The following IPO5 variants were observed in gnomAD, a reference collection of about 807,000 sequenced individuals.
The protein encoded by IPO5 is importin-5.
In IPO5, 18 loss-of-function variants were observed where a neutral mutation model predicts 143.3. The observed-to-expected ratio is 0.13, with a 90% CI of 0.09 to 0.19. The LOEUF is 0.19. Among genes scored for constraint, IPO5 ranks in the 10% least tolerant of loss-of-function variants. The probability of loss-of-function intolerance (pLI) is 1.00; values close to 1 mark genes in which losing one functional copy is unlikely to be tolerated. For missense variants in IPO5, 1,013 were observed against 1,336.9 expected (o/e 0.76, Z 3.78); for synonymous variants, 477 against 465.7 (o/e 1.02, Z -0.31).
intron 3 of IPO5, among the ~76,000 whole-genome samples, chr13:97,970,865 G>A (rs987988698): frequency 1.3e-5 from 2 of 152,156 alleles, no homozygotes; most frequent in Non-Finnish European, 2.9e-5. Flanking sequence ...CTAACAGGTA[G>A]ATGTCCAATC....
Position 98,008,122 on chromosome 13 carries a change from A to G in IPO5, c.1780A>G (p.Met594Val). The change falls in exon 18 of 29, where the codon ATG becomes GTG. Residue 594 changes from methionine (M) to valine (V), a missense_variant. Transcript: ENST00000651721. ...LLKTQTDFND[M>V]EDDDPQISYM... ...AAAGACCCAGACAGACTTCAATGAT[A>G]TGGAAGATGATGATCCTCAGGTAAG... is the stretch of plus-strand genomic sequence containing the variant. 6.2e-7 allele frequency: 1 copy of G among 1,606,932 alleles called. No homozygotes were observed. Among genetic ancestry groups the G allele is most frequent in the Non-Finnish European group, 8.5e-7 (1 of 1,173,482 alleles).
At chr13:97,975,490 G>C (rs1343099100) in intron 3 of IPO5, 1 of 152,256 alleles carries the variant, frequency 6.6e-6, no homozygotes, top group Admixed American at 6.5e-5. Context: ...GGCTTCCACT[G>C]ACACCCTTAG....
Position 97,989,169 on chromosome 13 carries a change from A to G in IPO5, c.467+5A>G, listed in dbSNP as rs3742155. 1,428 of 1,530,606 alleles carry G rather than the reference A, an allele frequency of 9.3e-4. 49 individuals are homozygous for G. In the East Asian group the frequency reaches 0.032, roughly 34 times the overall value. 94.8% of individuals were successfully genotyped at this position (1,530,606 alleles called of 1,614,324 possible). ...AGCTGCCCTTCACATTTTCTGGTAT[A>G]TACATTAATCTAGTTTTTTGAGACA... On this transcript the variant is annotated splice_donor_5th_base_variant and intron_variant, in intron 7 of 28. Coordinates refer to ENST00000651721, the MANE Select transcript of IPO5 (RefSeq NM_002271.6).
At chr13:98,006,437 C>G (rs1312910169) in intron 17 of IPO5, 89 bp downstream of exon 17, 2 of 770,512 alleles carry the variant, frequency 2.6e-6, no homozygotes, top group African/African-American at 4.4e-5. Context: ...TGCAGTGGCA[C>G]GATCTCGGCT....
intron 11 of IPO5, among the ~76,000 whole-genome samples, chr13:97,994,200 C>T (rs562596362): frequency 1.3e-5 from 2 of 152,158 alleles, no homozygotes; most frequent in East Asian, 1.9e-4. Context: ...CCCAGCTACT[C>T]GGGAGGCTGA....
chr13:97,967,427 C>G (rs1039598560), intron 2 of IPO5, among the ~76,000 whole-genome samples: 3 of 151,808 alleles, frequency 2.0e-5, no homozygotes, highest in African/African-American at 7.3e-5. Flanking sequence ...CTTCCTTTCT[C>G]TTTCTTTCTT....
chr13:98,016,012 C>T (rs894153939), intron 24 of IPO5, among the ~76,000 whole-genome samples: 7 of 152,172 alleles, frequency 4.6e-5, no homozygotes, highest in Admixed American at 4.6e-4. Flanking sequence ...AACAAAACAC[C>T]TTGAGGTTTA....
At chr13:97,971,178 C>T (rs1284793904) in intron 3 of IPO5, among the ~76,000 whole-genome samples, 1 of 152,140 alleles carries the variant, frequency 6.6e-6, no homozygotes, top group East Asian at 1.9e-4. Flanking sequence ...CACTGAATCT[C>T]AAATATAAAA....
intron 2 of IPO5, among the ~76,000 whole-genome samples, chr13:97,966,047 AGGAGAATCGCTTGAACCAG>A (rs920646898): frequency 6.6e-6 from 1 of 150,758 alleles, no homozygotes. Flanking sequence ...AGGCTGAGGC[AGGAGAATCGCTTGAACCAG>A]GGAGATGGAA....
Position 98,008,086 on chromosome 13 carries a change from C to A in IPO5, c.1744C>A (p.Gln582Lys). ...KFMQDASDVM[Q>K]LLLKTQTDFN... ...CATGCAGGATGCATCAGATGTGATGCAGCTTTTGTTAAAGACCCAGACAGA... is the reference window on the plus strand; with the variant it reads ...CATGCAGGATGCATCAGATGTGATGAAGCTTTTGTTAAAGACCCAGACAGA... The change falls in exon 18 of 29, where the codon CAG becomes AAG. Residue 582 changes from glutamine to lysine, a missense_variant. Transcript: ENST00000651721. 1 of 1,610,948 alleles carries A rather than the reference C, an allele frequency of 6.2e-7. No homozygotes were observed. The highest frequency in any genetic ancestry group is 8.5e-7 in the Non-Finnish European group (1 of 1,177,154).
chr13:97,968,588 C>T (rs986492611), intron 2 of IPO5, among the ~76,000 whole-genome samples: 1 of 152,162 alleles, frequency 6.6e-6, no homozygotes, highest in Non-Finnish European at 1.5e-5. Context: ...TTCTATCTTC[C>T]TGATTGAATT....
In IPO5 at chr13:97,998,988, C is replaced by G. The variant is rs564630049; in HGVS notation, c.1001+1370C>G. ...TGAAACCCCGTCTCTATTAAAAATA[C>G]AAAAATTAGCCGGGCCTGGTGGCAG... On this transcript the variant is annotated intron_variant, in intron 12 of 28. Coordinates refer to ENST00000651721, the MANE Select transcript of IPO5 (RefSeq NM_002271.6). Among the ~76,000 whole-genome samples, 5 of 152,144 alleles carry G rather than the reference C, an allele frequency of 3.3e-5. No homozygotes were observed. In the South Asian group the frequency reaches 1.0e-3, roughly 32 times the overall value.
At chr13:97,976,525 C>T (rs1260436316) in intron 3 of IPO5, 168 bp from the exon 4 acceptor site, 2 of 156,880 alleles carry the variant, frequency 1.3e-5, no homozygotes, top group African/African-American at 4.9e-5. Context: ...GAGGCCCCGC[C>T]CCGTCCTCCC....
In IPO5 at chr13:98,014,125, T is replaced by A; in HGVS notation, c.2236T>A (p.Trp746Arg). Residue 746 changes from tryptophan to arginine, a missense_variant, in exon 22 of 29, where the codon TGG becomes AGG. By Grantham distance (101) the Trp-to-Arg change is moderately radical. Transcript: ENST00000651721. ...TGGTCCTGAGTATCTCACACAGATGTGGCATTTTATGTGTGATGCTCTAAT... is the reference window on the plus strand; with the variant it reads ...TGGTCCTGAGTATCTCACACAGATGAGGCATTTTATGTGTGATGCTCTAAT... ...VRGPEYLTQM[W>R]HFMCDALIKA... The A allele has an allele frequency of 6.2e-7, 1 of 1,613,074 alleles. No homozygotes were observed. Among genetic ancestry groups the A allele is most frequent in the Non-Finnish European group, 8.5e-7 (1 of 1,179,006 alleles).
intron 17 of IPO5, among the ~76,000 whole-genome samples, chr13:98,007,146 C>G (rs907969324): frequency 1.3e-5 from 2 of 152,104 alleles, no homozygotes; most frequent in South Asian, 2.1e-4. Context: ...GCGCCCAGCC[C>G]GTCTTTTCAT....
chr13:98,005,128 C>G (rs1273250520), intron 16 of IPO5, among the ~76,000 whole-genome samples: 1 of 150,328 alleles, frequency 6.7e-6, no homozygotes, highest in African/African-American at 2.4e-5. Flanking sequence ...AACACCTGAC[C>G]TCAAGTCATC....
intron 16 of IPO5, 141 bp downstream of exon 16, chr13:98,003,178 T>G: frequency 2.9e-6 from 2 of 691,234 alleles, no homozygotes; most frequent in Non-Finnish European, 4.9e-6. Context: ...TATTCGGAGT[T>G]GTGGAATGAT....
intron 2 of IPO5, chr13:97,963,212 A>G (rs1885033938): frequency 6.6e-6 from 1 of 152,188 alleles, no homozygotes; most frequent in African/African-American, 2.4e-5. Context: ...CGGGGCTCCA[A>G]CAGCCTAGCC....
At chr13:97,983,560 C>T (rs1424933312) in intron 5 of IPO5, among the ~76,000 whole-genome samples, 6 of 134,448 alleles carry the variant, frequency 4.5e-5, no homozygotes, top group Admixed American at 7.6e-5. Context: ...ACCGTCCCCC[C>T]GATTATAAGT....
Sources: gnomAD v4.1 joint callset for allele counts (sites outside exome capture counted in the v4.1 genomes callset) on GRCh38, gnomAD v4.1.1 for gene constraint, MANE v1.5 for transcripts, NCBI Gene and HGNC (gene_info 2026-07-23, HGNC 2026-07-21) for gene names.